Variants in BMPR1B observed in about 807,000 individuals in gnomAD.
BMPR1B encodes the protein bone morphogenetic protein receptor type-1B.
A neutral mutation model predicts 59.1 loss-of-function variants in BMPR1B; 12 were observed. The observed-to-expected ratio is 0.20, with a 90% CI of 0.13 to 0.33. BMPR1B has a LOEUF of 0.33. BMPR1B is among the 10% of genes least tolerant of loss of function. BMPR1B has a pLI of 1.00. For missense variants in BMPR1B, 550 were observed against 610.9 expected (o/e 0.90, Z 1.05); for synonymous variants, 237 against 207.3 (o/e 1.14, Z -1.23).
intron 2 of BMPR1B, among the ~76,000 whole-genome samples, chr4:94,951,056 G>A (rs1273859165): frequency 1.3e-5 from 2 of 152,144 alleles, no homozygotes; most frequent in Admixed American, 6.5e-5. Flanking sequence ...GTGAATGGGA[G>A]TTTGCCCATG....
At chr4:95,055,149 GTCTGTACAGTTTTATATAACCTGGATTT>G (rs1726820193) in intron 3 of BMPR1B, among the ~76,000 whole-genome samples, 1 of 151,978 alleles carries the variant, frequency 6.6e-6, no homozygotes, top group African/African-American at 2.4e-5. Context: ...AGTCTCCATG[GTCTGTACAGTTTTATATAACCTGGATTT>G]TATGTACCAC....
chr4:94,844,792 C>T (rs1410733134), intron 1 of BMPR1B, among the ~76,000 whole-genome samples: 1 of 152,166 alleles, frequency 6.6e-6, no homozygotes, highest in Non-Finnish European at 1.5e-5. Context: ...TAAGCAGTGG[C>T]TCTGAATTTC....
chr4:95,083,319 C>G (rs1376834389), intron 3 of BMPR1B, among the ~76,000 whole-genome samples: 3 of 151,878 alleles, frequency 2.0e-5, no homozygotes, highest in Admixed American at 6.6e-5. Flanking sequence ...CCAATGATAA[C>G]AAAAACAGAT....
intron 2 of BMPR1B, among the ~76,000 whole-genome samples, chr4:94,879,312 T>A (rs1391439348): frequency 6.6e-6 from 1 of 152,216 alleles, no homozygotes. Context: ...ATGAAAAGTG[T>A]CAAGTAAAAC....
chr4:94,775,532 T>C (rs1004003179), intron 1 of BMPR1B, among the ~76,000 whole-genome samples: 1 of 152,210 alleles, frequency 6.6e-6, no homozygotes, highest in East Asian at 1.9e-4. Flanking sequence ...AAAAAAAGTT[T>C]AGTGAAATAA....
chr4:94,963,693 G>A (rs982179862), intron 2 of BMPR1B, among the ~76,000 whole-genome samples: 2 of 152,038 alleles, frequency 1.3e-5, no homozygotes, highest in East Asian at 1.9e-4. Flanking sequence ...CTTTTCCACT[G>A]ATCTGTGTGT....
chr4:95,091,765 A>T, intron 3 of BMPR1B: 1 of 760,476 alleles, frequency 1.3e-6, no homozygotes, highest in Non-Finnish European at 1.6e-6. Flanking sequence ...TAGATGGTGA[A>T]ATAGACTAAT....
At chr4:94,774,814 T>A (rs981360134) in intron 1 of BMPR1B, among the ~76,000 whole-genome samples, 5 of 152,178 alleles carry the variant, frequency 3.3e-5, no homozygotes, top group African/African-American at 1.2e-4. Flanking sequence ...TTTCTCTCTC[T>A]ATCTTTTACA....
At chr4:94,966,269 T>C (rs555103530) in intron 2 of BMPR1B, among the ~76,000 whole-genome samples, 2 of 152,278 alleles carry the variant, frequency 1.3e-5, no homozygotes, top group East Asian at 3.9e-4. Flanking sequence ...GCTTTAAACC[T>C]ACCTAAGTGA....
At chr4:94,900,339 A>C (rs958205298) in intron 2 of BMPR1B, among the ~76,000 whole-genome samples, 2 of 55,800 alleles carry the variant, frequency 3.6e-5, no homozygotes, top group South Asian at 4.9e-4. Flanking sequence ...AGTGGCCAGC[A>C]AAAAAAAAAA....
chr4:94,944,409 T>G (rs1442368989), intron 2 of BMPR1B, among the ~76,000 whole-genome samples: 2 of 152,192 alleles, frequency 1.3e-5, no homozygotes, highest in African/African-American at 4.8e-5. Context: ...TAACATTACA[T>G]GCCATAGTTA....
At chr4:94,951,001 C>T (rs1729912641) in intron 2 of BMPR1B, among the ~76,000 whole-genome samples, 1 of 152,138 alleles carries the variant, frequency 6.6e-6, no homozygotes, top group Admixed American at 6.5e-5. Context: ...CTTCCCATCC[C>T]TTGTAAGTTG....
At chr4:94,826,907 G>A (rs544153016) in intron 1 of BMPR1B, among the ~76,000 whole-genome samples, 1 of 152,194 alleles carries the variant, frequency 6.6e-6, no homozygotes, top group South Asian at 2.1e-4. Context: ...CCAAACAGAT[G>A]TAAATTCTTT....
intron 2 of BMPR1B, among the ~76,000 whole-genome samples, chr4:94,904,429 A>G (rs1175834180): frequency 6.6e-6 from 1 of 152,052 alleles, no homozygotes; most frequent in Non-Finnish European, 1.5e-5. Context: ...GATAGCAGAT[A>G]GGGATTCAGA....
chr4:94,887,403 CAA>C (rs57818132), intron 2 of BMPR1B, among the ~76,000 whole-genome samples: 8 of 54,798 alleles, frequency 1.5e-4, no homozygotes, highest in East Asian at 5.0e-4. Context: ...CACCCCCCAC[CAA>C]AAAAAAAAAA....
intron 10 of BMPR1B, among the ~76,000 whole-genome samples, chr4:95,138,759 A>G (rs1733994726): frequency 6.6e-6 from 1 of 152,142 alleles, no homozygotes; most frequent in Non-Finnish European, 1.5e-5. Flanking sequence ...CAGCTCCATC[A>G]AGTCATTTAA....
At chr4:95,010,128 A>G (rs984626788) in intron 3 of BMPR1B, among the ~76,000 whole-genome samples, 1 of 152,210 alleles carries the variant, frequency 6.6e-6, no homozygotes, top group East Asian at 1.9e-4. Context: ...GGTATGATTT[A>G]TAAAAATAGA....
intron 4 of BMPR1B, among the ~76,000 whole-genome samples, chr4:95,105,940 G>A (rs372428163): frequency 7.7e-4 from 117 of 151,882 alleles, no homozygotes; most frequent in African/African-American, 2.6e-3. Context: ...TTCAGAATAC[G>A]CCTGTGTGTG....
chr4:94,923,019 G>C (rs1037222922), intron 2 of BMPR1B, among the ~76,000 whole-genome samples: 6 of 152,120 alleles, frequency 3.9e-5, no homozygotes, highest in Non-Finnish European at 5.9e-5. Context: ...TATCCCAAAG[G>C]AACTCACATC....
Sources: gnomAD v4.1 joint callset for allele counts (sites outside exome capture counted in the v4.1 genomes callset) on GRCh38, gnomAD v4.1.1 for gene constraint, MANE v1.5 for transcripts, NCBI Gene and HGNC (gene_info 2026-07-23, HGNC 2026-07-21) for gene names.